STXBP6: variants seen among roughly 807,000 people sequenced by gnomAD.
STXBP6 encodes the protein syntaxin-binding protein 6.
Under a neutral mutation model 26.9 loss-of-function variants are expected in STXBP6, and 21 were observed. That is an observed-to-expected ratio of 0.78 (90% CI 0.55 to 1.12). The LOEUF (loss-of-function observed/expected upper bound fraction) is 1.12, where lower values mean the gene tolerates loss of function less well. Ranked by LOEUF, STXBP6 falls within the 50% of genes most tolerant of loss-of-function variation. The probability of loss-of-function intolerance (pLI) is 0.00; values close to 1 mark genes in which losing one functional copy is unlikely to be tolerated. For missense variants in STXBP6, 232 were observed against 257.9 expected, an observed-to-expected ratio of 0.90 and a Z score of 0.69; for synonymous variants, 97 against 92.6, an observed-to-expected ratio of 1.05 and a Z score of -0.27.
At chr14:24,972,593 T>C (rs768162725) in intron 2 of STXBP6, among the ~76,000 whole-genome samples, 4 of 152,234 alleles carry the variant, frequency 2.6e-5, no homozygotes, top group Non-Finnish European at 4.4e-5. Context: ...TCACTAGGTA[T>C]CCATACTAGG....
intron 1 of STXBP6, among the ~76,000 whole-genome samples, chr14:25,035,177 TAGAA>T (rs374285487): frequency 2.6e-3 from 385 of 150,414 alleles, no homozygotes; most frequent in South Asian, 9.2e-3. Flanking sequence ...AAAATTCTCA[TAGAA>T]AGAACTTTAG....
intron 2 of STXBP6, among the ~76,000 whole-genome samples, chr14:24,927,222 GC>G (rs1375227338): frequency 6.6e-6 from 1 of 152,150 alleles, no homozygotes; most frequent in Non-Finnish European, 1.5e-5. Context: ...AGAGATGAGA[GC>G]TTCTCCGTGG....
intron 1 of STXBP6, among the ~76,000 whole-genome samples, chr14:25,040,089 C>T (rs969894851): frequency 6.6e-6 from 1 of 152,174 alleles, no homozygotes; most frequent in Non-Finnish European, 1.5e-5. Flanking sequence ...CATATGGTGA[C>T]CTGACAAACT....
intron 4 of STXBP6, among the ~76,000 whole-genome samples, chr14:24,843,779 A>G (rs2068856889): frequency 6.6e-6 from 1 of 152,196 alleles, no homozygotes; most frequent in Non-Finnish European, 1.5e-5. Context: ...AGATTTATAA[A>G]CAACATGTGA....
chr14:24,899,471 T>C lies in STXBP6; in HGVS notation c.155-42314A>G, dbSNP rs141874062. 6.7e-4 allele frequency among the ~76,000 whole-genome samples: 102 copies of C among 152,212 alleles called. 2 individuals carry two copies. In the East Asian group the frequency reaches 0.018, roughly 27 times the overall value. On this transcript the variant is annotated intron_variant, in intron 2 of 5. Coordinates refer to ENST00000323944, the MANE Select transcript of STXBP6 (RefSeq NM_001394410.1). ...CCACTACCATAATCACCATTTTACATAGGGCACCAAGAAAGTGAGTAACTT... is the reference window on the plus strand; with the variant it reads ...CCACTACCATAATCACCATTTTACACAGGGCACCAAGAAAGTGAGTAACTT...
chr14:24,978,611 C>A (rs17109397), intron 1 of STXBP6, among the ~76,000 whole-genome samples: 17,326 of 152,208 alleles, frequency 0.11, 1,071 homozygotes, highest in African/African-American at 0.14. Flanking sequence ...CCTGCTTCTA[C>A]AGGTTGTAAT....
At chr14:25,044,098 G>A (rs2075686136) in intron 1 of STXBP6, among the ~76,000 whole-genome samples, 1 of 149,522 alleles carries the variant, frequency 6.7e-6, no homozygotes, top group Non-Finnish European at 1.5e-5. Flanking sequence ...TTGAGCCTGG[G>A]AGGTCGAGGC....
At chr14:24,841,136 G>A (rs2068771695) in intron 4 of STXBP6, among the ~76,000 whole-genome samples, 1 of 152,172 alleles carries the variant, frequency 6.6e-6, no homozygotes. Context: ...ACTTCTATCA[G>A]CAAGGGTCTA....
chr14:24,999,292 C>T (rs1006295938), intron 1 of STXBP6, among the ~76,000 whole-genome samples: 1 of 152,020 alleles, frequency 6.6e-6, no homozygotes, highest in Non-Finnish European at 1.5e-5. Context: ...ATAAAGAAGC[C>T]AGAAGGAAAA....
chr14:25,041,138 T>C (rs1179672244), intron 1 of STXBP6, among the ~76,000 whole-genome samples: 16 of 152,060 alleles, frequency 1.1e-4, no homozygotes, highest in African/African-American at 3.6e-4. Context: ...CTGGCCAACA[T>C]GGTGAAACCC....
At chr14:24,820,089 T>C (rs980259213) in intron 4 of STXBP6, among the ~76,000 whole-genome samples, 1 of 152,356 alleles carries the variant, frequency 6.6e-6, no homozygotes, top group African/African-American at 2.4e-5. Context: ...CACTGAGAAA[T>C]AGCAACTTGC....
At chr14:24,984,454 T>C (rs887371671) in intron 1 of STXBP6, among the ~76,000 whole-genome samples, 1 of 152,208 alleles carries the variant, frequency 6.6e-6, no homozygotes, top group Non-Finnish European at 1.5e-5. Context: ...ATTTTACACA[T>C]ACCTACTCTG....
rs564879046 is a variant in STXBP6 at position 24,947,270 on chromosome 14, A to C, written c.154+27395T>G. 7.2e-5 allele frequency among the ~76,000 whole-genome samples: 11 copies of C among 152,328 alleles called. No homozygotes were observed. The East Asian group carries it at 1.7e-3, about 24-fold the overall frequency. On this transcript the variant is annotated intron_variant, in intron 2 of 5. Coordinates refer to ENST00000323944, the MANE Select transcript of STXBP6 (RefSeq NM_001394410.1). ...CTGGGACCAAATGGGTTTGAATAAGAAGCTGTGGCTTATGCTCAGGCAGGA... is the reference window on the plus strand; with the variant it reads ...CTGGGACCAAATGGGTTTGAATAAGCAGCTGTGGCTTATGCTCAGGCAGGA...
intron 2 of STXBP6, among the ~76,000 whole-genome samples, chr14:24,903,837 T>C (rs1357367553): frequency 6.6e-6 from 1 of 152,196 alleles, no homozygotes; most frequent in East Asian, 1.9e-4. Context: ...AAAATAGGGA[T>C]ATTACTTACA....
At chr14:24,828,916 C>T (rs2068370226) in intron 4 of STXBP6, among the ~76,000 whole-genome samples, 1 of 152,096 alleles carries the variant, frequency 6.6e-6, no homozygotes, top group Non-Finnish European at 1.5e-5. Flanking sequence ...TGGGAGAAAA[C>T]CCGTCAAGTT....
chr14:25,016,633 C>T (rs997404915), intron 1 of STXBP6, among the ~76,000 whole-genome samples: 2 of 152,182 alleles, frequency 1.3e-5, no homozygotes, highest in Non-Finnish European at 2.9e-5. Flanking sequence ...CTACATGTCA[C>T]ATACAACTTT....
chr14:24,928,806 G>A (rs1289924666), intron 2 of STXBP6, among the ~76,000 whole-genome samples: 1 of 152,106 alleles, frequency 6.6e-6, no homozygotes, highest in East Asian at 1.9e-4. Flanking sequence ...TATAAATATT[G>A]CTAGTGTTCT....
At chr14:24,904,392 C>T (rs535036740) in intron 2 of STXBP6, among the ~76,000 whole-genome samples, 169 of 152,156 alleles carry the variant, frequency 1.1e-3, no homozygotes, top group Non-Finnish European at 1.9e-3. Flanking sequence ...TTAAAAGTAA[C>T]GGGTATAGTT....
intron 4 of STXBP6, among the ~76,000 whole-genome samples, chr14:24,824,840 T>A (rs1263964494): frequency 6.6e-6 from 1 of 152,188 alleles, no homozygotes; most frequent in Non-Finnish European, 1.5e-5. Context: ...GATGTTACAT[T>A]CCTCAAAGGG....
Sources: allele counts gnomAD v4.1 joint callset (sites outside exome capture counted in the v4.1 genomes callset), GRCh38; gene constraint gnomAD v4.1.1; transcripts MANE v1.5; gene names NCBI Gene and HGNC (gene_info 2026-07-23, HGNC 2026-07-21).